The following TSPO variants were observed in gnomAD, a reference collection of about 807,000 sequenced individuals.
TSPO encodes the protein translocator protein, also known as benzodiazepine peripheral binding site.
In TSPO, 14 loss-of-function variants were observed where a neutral mutation model predicts 13.9. The observed-to-expected ratio is 1.01, with a 90% CI of 0.67 to 1.58. TSPO has a LOEUF of 1.58. TSPO is among the 40% of genes most tolerant of loss of function. The probability of loss-of-function intolerance (pLI) is 0.00; values close to 1 mark genes in which losing one functional copy is unlikely to be tolerated. For missense variants in TSPO, 232 were observed against 229.6 expected (o/e 1.01, Z -0.07); for synonymous variants, 114 against 105.9 (o/e 1.08, Z -0.47).
In TSPO at chr22:43,163,141, G is replaced by A. The variant is rs536692143; in HGVS notation, c.*150G>A. The A allele has an allele frequency of 6.5e-5, 96 of 1,470,132 alleles. 1 individual carries two copies. In the South Asian group the frequency reaches 7.4e-4, roughly 11 times the overall value. The allele number at this position is 1,470,132 out of a possible 1,614,324, so 91.1% of individuals were successfully genotyped here. A position where few individuals can be genotyped will look rare whatever the true frequency, so the allele number is the denominator to read the frequency against. ...CAGAGCTTCAGAGGTGGCCCCACCTGAGCCCCCACCCGGGAGCAGTGTCCT... is the reference window on the plus strand; with the variant it reads ...CAGAGCTTCAGAGGTGGCCCCACCTAAGCCCCCACCCGGGAGCAGTGTCCT... On this transcript the variant is annotated 3_prime_UTR_variant, in exon 4 of 4. Coordinates refer to ENST00000337554, the MANE Select transcript of TSPO (RefSeq NM_000714.6).
Position 43,162,798 on chromosome 22 carries a change from T to C in TSPO, c.322-5T>C. 6.4e-7 allele frequency: 1 copy of C among 1,572,312 alleles called. No individual in the cohort carries two copies. Among genetic ancestry groups the C allele is most frequent in the Non-Finnish European group, 8.6e-7 (1 of 1,159,950 alleles). On this transcript the variant is annotated splice_polypyrimidine_tract_variant and splice_region_variant and intron_variant, in intron 3 of 3. Transcript: ENST00000337554. ...TCCCCATCCTCCGTCCCCCAATCTC[T>C]GCAGGCCTTGGTGGATCTCCTGCTG...
intron 3 of TSPO, among the ~76,000 whole-genome samples, chr22:43,161,852 T>G (rs968317543): frequency 6.6e-6 from 1 of 152,126 alleles, no homozygotes; most frequent in African/African-American, 2.4e-5. Flanking sequence ...GAAGACTCGC[T>G]GTGTTGCCCA....
chr22:43,152,744 C>T lies in TSPO; in HGVS notation c.-30+1140C>T, dbSNP rs567460961. Among the ~76,000 whole-genome samples, 5 of 152,362 alleles carry T rather than the reference C, an allele frequency of 3.3e-5. No homozygotes were observed. In the South Asian group the frequency reaches 6.2e-4, roughly 19 times the overall value. On this transcript the variant is annotated intron_variant, in intron 1 of 3. Coordinates refer to ENST00000337554, the MANE Select transcript of TSPO (RefSeq NM_000714.6). Reference sequence around the variant, plus strand: ...TTTGTCCAGAGTCACGCAGCTGGCGCGGTGGAGCCAGGGCCAGAACCCGTG... The same window carrying T: ...TTTGTCCAGAGTCACGCAGCTGGCGTGGTGGAGCCAGGGCCAGAACCCGTG...
intron 1 of TSPO, chr22:43,151,840 G>C (rs1468892289): frequency 6.6e-6 from 1 of 152,242 alleles, no homozygotes; most frequent in Non-Finnish European, 1.5e-5. Flanking sequence ...CTGGGGGTTC[G>C]GGAGGGAAAA....
rs1458910057 is a variant in TSPO at position 43,162,982 on chromosome 22, G to A, written c.501G>A (p.Leu167=). 6.3e-7 allele frequency: 1 copy of A among 1,582,322 alleles called. No individual in the cohort carries two copies. Among genetic ancestry groups the A allele is most frequent in the African/African-American group, 1.3e-5 (1 of 74,414 alleles). Residue 167 remains leucine, a synonymous_variant, in exon 4 of 4, where the codon CTG becomes CTA. Transcript: ENST00000337554. The part of the protein sequence containing the change: ...DNHGWRGGRR[L]PE Reference sequence around the variant, plus strand: ...ATGGCTGGCGTGGGGGACGGCGGCTGCCAGAGTGAGTGCCCGGCCCACCAG... The same window carrying A: ...ATGGCTGGCGTGGGGGACGGCGGCTACCAGAGTGAGTGCCCGGCCCACCAG...
intron 1 of TSPO, among the ~76,000 whole-genome samples, chr22:43,156,885 C>T (rs1022947325): frequency 1.1e-4 from 16 of 152,062 alleles, no homozygotes; most frequent in African/African-American, 2.9e-4. Flanking sequence ...GCAGGTGGGC[C>T]TCAACTGAGG....
intron 2 of TSPO, among the ~76,000 whole-genome samples, chr22:43,160,214 C>T (rs60687062): frequency 0.038 from 5,854 of 152,244 alleles, 390 homozygotes; most frequent in African/African-American, 0.13. Context: ...ACTTCCCTGG[C>T]TCCAGTGTCC....
chr22:43,162,150 C>G (rs985574923), intron 3 of TSPO, among the ~76,000 whole-genome samples: 2 of 150,226 alleles, frequency 1.3e-5, no homozygotes, highest in African/African-American at 4.9e-5. Flanking sequence ...GAGACGGAGT[C>G]TCGCTCTGTT....
At chr22:43,156,123 G>C (rs1931242233) in intron 1 of TSPO, among the ~76,000 whole-genome samples, 1 of 152,254 alleles carries the variant, frequency 6.6e-6, no homozygotes, top group Admixed American at 6.5e-5. Context: ...ACCACAGCCA[G>C]GCCTGAGAAG....
At chr22:43,156,683 A>T (rs1317399551) in intron 1 of TSPO, among the ~76,000 whole-genome samples, 1 of 152,138 alleles carries the variant, frequency 6.6e-6, no homozygotes, top group Non-Finnish European at 1.5e-5. Flanking sequence ...TAAAACGGTT[A>T]ATTTTAGGCT....
At chr22:43,159,871 C>T (rs1181214079) in intron 2 of TSPO, among the ~76,000 whole-genome samples, 3 of 152,164 alleles carry the variant, frequency 2.0e-5, no homozygotes, top group Non-Finnish European at 4.4e-5. Flanking sequence ...CCCCCACAGC[C>T]CCTTCAGGCT....
intron 1 of TSPO, among the ~76,000 whole-genome samples, chr22:43,154,490 C>G (rs1439869915): frequency 1.3e-5 from 2 of 152,042 alleles, no homozygotes; most frequent in African/African-American, 4.8e-5. Flanking sequence ...TTCTGAGTAG[C>G]TGGGATTACA....
At chr22:43,157,168 G>C (rs1228161975) in intron 1 of TSPO, among the ~76,000 whole-genome samples, 4 of 150,686 alleles carry the variant, frequency 2.7e-5, no homozygotes, top group African/African-American at 1.0e-4. Flanking sequence ...TGCAGGGCCA[G>C]TGCTCAGCAG....
At position 43,159,229 on chromosome 22, in the gene TSPO, T is replaced by G; in HGVS notation, c.-10T>G. The G allele has an allele frequency of 6.5e-7, 1 of 1,536,398 alleles. No individual in the cohort carries two copies. The highest frequency in any genetic ancestry group is 8.8e-7 in the Non-Finnish European group (1 of 1,139,776). On this transcript the variant is annotated 5_prime_UTR_variant, in exon 2 of 4. Transcript: ENST00000337554. ...TTTCAGAGCTCCCCTGAACAGCAGC[T>G]GCAGCAGCCATGGCCCCGCCCTGGG...
chr22:43,162,907 C>G lies in TSPO; in HGVS notation c.426C>G (p.Ala142=). ...LAARLLYPYL[A]WLAFTTTLNY... ...CCCGCCTGCTCTACCCCTACCTGGC[C>G]TGGCTGGCCTTCACGACCACACTCA... is the stretch of plus-strand genomic sequence containing the variant. Residue 142 remains alanine (A), a synonymous_variant, in exon 4 of 4, where the codon GCC becomes GCG. Coordinates refer to ENST00000337554, the MANE Select transcript of TSPO (RefSeq NM_000714.6). 1 of 1,592,100 alleles carries G rather than the reference C, an allele frequency of 6.3e-7. No individual in the cohort carries two copies. Among genetic ancestry groups the G allele is most frequent in the Non-Finnish European group, 8.5e-7 (1 of 1,169,766 alleles).
chr22:43,161,297 G>T, intron 3 of TSPO, 107 bp downstream of exon 3: 6 of 1,455,326 alleles, frequency 4.1e-6, no homozygotes, highest in Non-Finnish European at 4.6e-6. Context: ...GGCCAGGGGA[G>T]ACAAAAGGCC....
intron 2 of TSPO, 101 bp downstream of exon 2, chr22:43,159,521 CATGGTTT>C: frequency 8.1e-7 from 1 of 1,233,092 alleles, no homozygotes; most frequent in Non-Finnish European, 1.1e-6. Context: ...TGGACCATGG[CATGGTTT>C]CCCCAGCCCC....
chr22:43,154,803 G>A (rs1417950183), intron 1 of TSPO, among the ~76,000 whole-genome samples: 1 of 152,150 alleles, frequency 6.6e-6, no homozygotes, highest in East Asian at 1.9e-4. Context: ...TTCGGGCCAG[G>A]AGTGAAGCCT....
At chr22:43,154,618 A>G (rs1931194353) in intron 1 of TSPO, among the ~76,000 whole-genome samples, 1 of 151,946 alleles carries the variant, frequency 6.6e-6, no homozygotes, top group Admixed American at 6.6e-5. Context: ...TCAGCCTCCC[A>G]AAGTGCTGAG....
Sources: allele counts gnomAD v4.1 joint callset (sites outside exome capture counted in the v4.1 genomes callset), GRCh38; gene constraint gnomAD v4.1.1; transcripts MANE v1.5; gene names NCBI Gene and HGNC (gene_info 2026-07-23, HGNC 2026-07-21).